RTL4: variants seen among roughly 807,000 people sequenced by gnomAD.
RTL4 encodes retrotransposon Gag like 4, also known as retrotransposon Gag-like protein 4.
In RTL4, 4 loss-of-function variants were observed where a neutral mutation model predicts 5.3. That is an observed-to-expected ratio of 0.75 (90% CI 0.37 to 1.72). The LOEUF (loss-of-function observed/expected upper bound fraction) is 1.72. RTL4 is among the 40% of genes most tolerant of loss of function. The pLI, the probability that RTL4 is intolerant of heterozygous loss-of-function variation, is 0.04. For missense variants in RTL4, 260 were observed against 227.1 expected, an observed-to-expected ratio of 1.14 and a Z score of -0.93; for synonymous variants, 98 against 87.3, an observed-to-expected ratio of 1.12 and a Z score of -0.68.
At chrX:112,159,455 C>T in the RTL4 span, among the ~76,000 whole-genome samples, 2 of 111,575 alleles carry the variant, frequency 1.8e-5, no homozygotes, top group East Asian at 2.8e-4. Flanking sequence ...TCCCAAATAT[C>T]GTCATTTTAC....
chrX:112,169,053 T>TTTCTTTCTTTCTTTCTTTC, the RTL4 span, among the ~76,000 whole-genome samples: 538 of 37,221 alleles, frequency 0.014, 4 homozygotes, highest in Middle Eastern at 0.032. Context: ...TCTTTCTTTC[T>TTTCTTTCTTTCTTTCTTTC]TTCTTTCTTT....
the RTL4 span, among the ~76,000 whole-genome samples, chrX:112,417,564 AT>A: frequency 3.2e-4 from 36 of 111,685 alleles, no homozygotes; most frequent in African/African-American, 1.1e-3. Context: ...AAAAGCCTGT[AT>A]TTCTGGCTTA....
At chrX:112,307,198 G>A in the RTL4 span, among the ~76,000 whole-genome samples, 1 of 112,005 alleles carries the variant, frequency 8.9e-6, no homozygotes, top group Admixed American at 9.5e-5. Context: ...TCTATGGGTT[G>A]GGCTGTGTTC....
At chrX:112,275,862 G>A in the RTL4 span, among the ~76,000 whole-genome samples, 2 of 111,721 alleles carry the variant, frequency 1.8e-5, no homozygotes, top group Admixed American at 1.9e-4. Context: ...TTGAGTCCAG[G>A]AGTTCAAGGC....
At chrX:112,351,444 T>C in the RTL4 span, among the ~76,000 whole-genome samples, 1 of 109,587 alleles carries the variant, frequency 9.1e-6, no homozygotes, top group East Asian at 2.8e-4. Context: ...GTCTCGTTGA[T>C]CTGTCTAATA....
At chrX:112,404,076 G>A in the RTL4 span, among the ~76,000 whole-genome samples, 5 of 111,055 alleles carry the variant, frequency 4.5e-5, no homozygotes, top group Non-Finnish European at 9.4e-5. Context: ...CCTTCTGATT[G>A]TCTTCCTGGC....
chrX:112,279,887 A>G, the RTL4 span, among the ~76,000 whole-genome samples: 1 of 111,932 alleles, frequency 8.9e-6, no homozygotes, highest in African/African-American at 3.2e-5. Context: ...AAGCAAACAA[A>G]AAAACTCCAG....
chrX:112,222,407 A>T, the RTL4 span, among the ~76,000 whole-genome samples: 1 of 111,411 alleles, frequency 9.0e-6, no homozygotes, highest in Non-Finnish European at 1.9e-5. Flanking sequence ...CACACTTTTC[A>T]TATCTTCTGC....
At chrX:112,265,991 T>G in the RTL4 span, among the ~76,000 whole-genome samples, 1 of 110,643 alleles carries the variant, frequency 9.0e-6, no homozygotes, top group African/African-American at 3.3e-5. Flanking sequence ...AATCTGCTGC[T>G]TCTTCAGTTT....
chrX:112,195,768 TC>T, the RTL4 span, among the ~76,000 whole-genome samples: 1 of 111,526 alleles, frequency 9.0e-6, no homozygotes, highest in Admixed American at 9.6e-5. Flanking sequence ...CTAGGATTTG[TC>T]TGTTGGCATT....
At chrX:112,452,896 G>C (rs952103777), upstream of RTL4, among the ~76,000 whole-genome samples, 2 of 110,828 alleles carry the variant, frequency 1.8e-5, no homozygotes, top group Non-Finnish European at 3.8e-5. Context: ...GCCGGGCATG[G>C]TGGCAGGCGC....
At chrX:112,092,464 G>T in the RTL4 span, among the ~76,000 whole-genome samples, 2 of 111,210 alleles carry the variant, frequency 1.8e-5, no homozygotes, top group Non-Finnish European at 3.8e-5. Flanking sequence ...TTTTCTCAGA[G>T]ACATGCAAAT....
chrX:112,416,866 A>G, the RTL4 span, among the ~76,000 whole-genome samples: 137 of 111,860 alleles, frequency 1.2e-3, no homozygotes, highest in African/African-American at 4.1e-3. Context: ...CACAGTATCC[A>G]AGAGATTTGG....
the RTL4 span, among the ~76,000 whole-genome samples, chrX:112,216,553 C>T: frequency 5.4e-5 from 6 of 111,599 alleles, no homozygotes; most frequent in African/African-American, 2.0e-4. Context: ...ATTCTAGTTG[C>T]AGGAACTTAT....
chrX:112,182,802 G>A, the RTL4 span, among the ~76,000 whole-genome samples: 65 of 111,762 alleles, frequency 5.8e-4, no homozygotes, highest in Middle Eastern at 4.6e-3. Flanking sequence ...TCAAATTCAG[G>A]AAATAGAGAG....
chrX:112,164,868 G>C, the RTL4 span, among the ~76,000 whole-genome samples: 1 of 111,591 alleles, frequency 9.0e-6, no homozygotes, highest in Non-Finnish European at 1.9e-5. Flanking sequence ...TTTGGATATA[G>C]GACACCTCAT....
chrX:112,110,362 C>T, the RTL4 span, among the ~76,000 whole-genome samples: 1 of 111,125 alleles, frequency 9.0e-6, no homozygotes, highest in Non-Finnish European at 1.9e-5. Flanking sequence ...CCAAGAAATC[C>T]TTTGATAGTG....
the RTL4 span, among the ~76,000 whole-genome samples, chrX:112,188,380 T>C: frequency 8.9e-6 from 1 of 112,110 alleles, no homozygotes; most frequent in East Asian, 2.8e-4. Flanking sequence ...GCCTTATTCA[T>C]GGGCACCAAA....
the RTL4 span, among the ~76,000 whole-genome samples, chrX:112,101,674 TC>T: frequency 5.4e-5 from 6 of 111,088 alleles, no homozygotes; most frequent in Middle Eastern, 4.6e-3. Context: ...GTGAATAGTG[TC>T]CCCCTCAAAT....
Sources: allele counts gnomAD v4.1 joint callset (sites outside exome capture counted in the v4.1 genomes callset), GRCh38; gene constraint gnomAD v4.1.1; transcripts MANE v1.5; gene names NCBI Gene and HGNC (gene_info 2026-07-23, HGNC 2026-07-21).